ITGA8: variants seen among roughly 807,000 people sequenced by gnomAD.
The protein encoded by ITGA8 is integrin alpha-8.
A neutral mutation model predicts 142.3 loss-of-function variants in ITGA8; 91 were observed. That is an observed-to-expected ratio of 0.64 (90% CI 0.54 to 0.76). The LOEUF is 0.76. Among genes scored for constraint, ITGA8 ranks in the 30% least tolerant of loss-of-function variants. The pLI, the probability that ITGA8 is intolerant of heterozygous loss-of-function variation, is 0.00. For missense variants in ITGA8, 1,406 were observed against 1,327.7 expected (o/e 1.06, Z -0.92); for synonymous variants, 505 against 485.2 (o/e 1.04, Z -0.54).
chr10:15,706,147 C>T (rs1177062090), intron 2 of ITGA8, among the ~76,000 whole-genome samples: 1 of 152,172 alleles, frequency 6.6e-6, no homozygotes, highest in African/African-American at 2.4e-5. Flanking sequence ...GGACTCAACC[C>T]TGGGTATTTC....
intron 13 of ITGA8, among the ~76,000 whole-genome samples, chr10:15,636,036 A>G (rs1833767518): frequency 6.6e-6 from 1 of 152,122 alleles, no homozygotes. Flanking sequence ...ATATAATTAT[A>G]TAGTAGGGGC....
At chr10:15,613,496 C>G in intron 15 of ITGA8, 164 bp downstream of exon 15, 1 of 648,346 alleles carries the variant, frequency 1.5e-6, no homozygotes, top group Non-Finnish European at 2.8e-6. Flanking sequence ...GCTACTCAAA[C>G]TTCGGCCACA....
At chr10:15,522,293 TC>T (rs1833086725) in intron 28 of ITGA8, among the ~76,000 whole-genome samples, 1 of 152,206 alleles carries the variant, frequency 6.6e-6, no homozygotes, top group East Asian at 1.9e-4. Context: ...CTAGATTATT[TC>T]TCTTGTTATG....
At chr10:15,550,650 C>T (rs887461874) in intron 26 of ITGA8, among the ~76,000 whole-genome samples, 3 of 152,100 alleles carry the variant, frequency 2.0e-5, no homozygotes, top group Admixed American at 6.6e-5. Context: ...AAGGGAAGAG[C>T]AGGGTATATG....
chr10:15,548,431 T>C (rs889186808), intron 27 of ITGA8, 24 bp downstream of exon 27: 2 of 1,510,456 alleles, frequency 1.3e-6, no homozygotes, highest in East Asian at 2.3e-5. Context: ...GCAGTGTGTA[T>C]GTGCTTCTGT....
chr10:15,561,214 T>TATATATATATAC, intron 25 of ITGA8, among the ~76,000 whole-genome samples: 2 of 101,660 alleles, frequency 2.0e-5, no homozygotes, highest in Non-Finnish European at 1.9e-5. Flanking sequence ...GTTGGCTATA[T>TATATATATATAC]ATATATATAT....
intron 25 of ITGA8, among the ~76,000 whole-genome samples, chr10:15,561,245 A>ATATATATG (rs1554772749): frequency 1.1e-3 from 150 of 133,776 alleles, no homozygotes; most frequent in African/African-American, 4.1e-3. Flanking sequence ...GTATATATAT[A>ATATATATG]TATATATATG....
intron 13 of ITGA8, among the ~76,000 whole-genome samples, chr10:15,641,218 T>A (rs1008218807): frequency 1.3e-5 from 2 of 152,176 alleles, no homozygotes; most frequent in Non-Finnish European, 2.9e-5. Context: ...CACGGCTGGC[T>A]GAGGGGTCTT....
intron 21 of ITGA8, among the ~76,000 whole-genome samples, chr10:15,593,194 G>T (rs1371953097): frequency 1.3e-5 from 2 of 152,070 alleles, no homozygotes; most frequent in Non-Finnish European, 2.9e-5. Context: ...TCCTTTTAAA[G>T]GTTTCCAAAT....
intron 4 of ITGA8, 140 bp downstream of exon 4, chr10:15,683,864 C>T (rs1184715519): frequency 3.4e-6 from 3 of 882,296 alleles, no homozygotes; most frequent in Non-Finnish European, 5.2e-6. Context: ...GTAAGGCTGA[C>T]AAAAATCTTT....
chr10:15,593,768 G>T (rs1832963539), intron 21 of ITGA8, among the ~76,000 whole-genome samples: 1 of 151,798 alleles, frequency 6.6e-6, no homozygotes, highest in African/African-American at 2.4e-5. Context: ...TCTCATTTCA[G>T]TGTGACTTGC....
At chr10:15,525,520 T>C (rs1833155887) in intron 28 of ITGA8, among the ~76,000 whole-genome samples, 1 of 151,622 alleles carries the variant, frequency 6.6e-6, no homozygotes, top group African/African-American at 2.4e-5. Flanking sequence ...CACACACCTG[T>C]AATCCCAGCT....
chr10:15,634,078 C>T (rs1183457917), intron 13 of ITGA8, among the ~76,000 whole-genome samples: 3 of 152,120 alleles, frequency 2.0e-5, no homozygotes, highest in Non-Finnish European at 4.4e-5. Flanking sequence ...TCCCTACAAC[C>T]ACTCACAGTC....
intron 8 of ITGA8, among the ~76,000 whole-genome samples, chr10:15,670,943 G>C (rs1391033527): frequency 1.3e-5 from 2 of 152,130 alleles, no homozygotes; most frequent in African/African-American, 4.8e-5. Flanking sequence ...CCCTTTGTCT[G>C]TCTGACCCCC....
chr10:15,523,231 G>A (rs1833102468), intron 28 of ITGA8, among the ~76,000 whole-genome samples: 1 of 152,158 alleles, frequency 6.6e-6, no homozygotes, highest in Non-Finnish European at 1.5e-5. Flanking sequence ...GGTTATTGCA[G>A]GTTTTGATGT....
At chr10:15,714,155 T>C (rs1835409878) in intron 2 of ITGA8, among the ~76,000 whole-genome samples, 2 of 152,354 alleles carry the variant, frequency 1.3e-5, no homozygotes, top group Non-Finnish European at 1.5e-5. Context: ...TTGTATGCTA[T>C]ACTTTGGAAC....
chr10:15,715,162 C>T (rs1344708250), intron 2 of ITGA8, among the ~76,000 whole-genome samples: 1 of 151,994 alleles, frequency 6.6e-6, no homozygotes, highest in Non-Finnish European at 1.5e-5. Context: ...GGCAGCTTAT[C>T]AGAGACCATG....
intron 13 of ITGA8, among the ~76,000 whole-genome samples, chr10:15,623,501 C>T (rs1362158017): frequency 6.6e-6 from 1 of 152,134 alleles, no homozygotes; most frequent in Non-Finnish European, 1.5e-5. Flanking sequence ...GCCTGACCAA[C>T]AGTGCAAAAC....
chr10:15,650,810 G>A (rs764336957), intron 11 of ITGA8, among the ~76,000 whole-genome samples: 9 of 152,064 alleles, frequency 5.9e-5, no homozygotes, highest in Non-Finnish European at 1.0e-4. Context: ...CAGATTAGTG[G>A]ACTATATAGT....
Sources: gnomAD v4.1 joint callset for allele counts (sites outside exome capture counted in the v4.1 genomes callset) on GRCh38, gnomAD v4.1.1 for gene constraint, MANE v1.5 for transcripts, NCBI Gene and HGNC (gene_info 2026-07-23, HGNC 2026-07-21) for gene names.